LRRC8D: variants seen among roughly 807,000 people sequenced by gnomAD.
LRRC8D encodes volume-regulated anion channel subunit LRRC8D.
In LRRC8D, 20 loss-of-function variants were observed where a neutral mutation model predicts 55.8. That is an observed-to-expected ratio of 0.36 (90% CI 0.25 to 0.52). The LOEUF (loss-of-function observed/expected upper bound fraction) is 0.52, where lower values mean the gene tolerates loss of function less well. Ranked by LOEUF, LRRC8D falls within the 20% of genes least tolerant of loss-of-function variation. The pLI, the probability that LRRC8D is intolerant of heterozygous loss-of-function variation, is 0.93. For missense variants in LRRC8D, 651 were observed against 1,030.8 expected (o/e 0.63, Z 5.05); for synonymous variants, 352 against 377.0 (o/e 0.93, Z 0.77).
chr1:89,895,831 G>A (rs1662694688), intron 2 of LRRC8D, among the ~76,000 whole-genome samples: 1 of 152,080 alleles, frequency 6.6e-6, no homozygotes, highest in Admixed American at 6.5e-5. Flanking sequence ...TAATTTGTGA[G>A]GCCCAGGATA....
At chr1:89,866,585 C>T (rs990619050) in intron 2 of LRRC8D, among the ~76,000 whole-genome samples, 1 of 152,148 alleles carries the variant, frequency 6.6e-6, no homozygotes, top group Non-Finnish European at 1.5e-5. Flanking sequence ...AGTGTTCTGG[C>T]GTTTCTAGGC....
At chr1:89,826,414 G>A (rs1317790171) in intron 1 of LRRC8D, among the ~76,000 whole-genome samples, 1 of 151,990 alleles carries the variant, frequency 6.6e-6, no homozygotes, top group African/African-American at 2.4e-5. Context: ...ACAGGCACCC[G>A]CCACTGCACA....
At chr1:89,844,139 C>A (rs1008367871) in intron 2 of LRRC8D, among the ~76,000 whole-genome samples, 1 of 152,204 alleles carries the variant, frequency 6.6e-6, no homozygotes, top group Non-Finnish European at 1.5e-5. Context: ...AGCAGCAGCT[C>A]TTTGTTCCTC....
chr1:89,851,000 T>C (rs1294511009), intron 2 of LRRC8D, among the ~76,000 whole-genome samples: 1 of 152,166 alleles, frequency 6.6e-6, no homozygotes, highest in Admixed American at 6.5e-5. Flanking sequence ...TCTAGGAATA[T>C]TGTTTAATTT....
chr1:89,888,366 A>G (rs975312885), intron 2 of LRRC8D, among the ~76,000 whole-genome samples: 38 of 152,246 alleles, frequency 2.5e-4, no homozygotes, highest in African/African-American at 2.4e-5. Context: ...TTTGGAATGG[A>G]AAGTTATAGA....
At position 89,933,375 on chromosome 1, in the gene LRRC8D, T is replaced by TCTGCTGTGACAC. The variant is rs1557490446; in HGVS notation, c.311_322dup (p.Ala104_Pro107dup). On this transcript the variant is annotated inframe_insertion, in exon 3 of 3. Coordinates refer to ENST00000337338, the MANE Select transcript of LRRC8D (RefSeq NM_001134479.2). This position sits in a 1 kb window ranked among gnomAD's most constrained non-coding sequence, Gnocchi z 7.0. Reference sequence around the variant, plus strand: ...AACAAACGACATTTCCTTTGGGACATCTGCTGTGACACCTGACATACCTCT... The same window carrying TCTGCTGTGACAC: ...AACAAACGACATTTCCTTTGGGACATCTGCTGTGACACCTGCTGTGACACCTGACATACCTCT... The TCTGCTGTGACAC allele has an allele frequency of 3.1e-6, 5 of 1,614,116 alleles. No individual in the cohort carries two copies. The highest frequency in any genetic ancestry group is 4.2e-6 in the Non-Finnish European group (5 of 1,180,028).
At chr1:89,885,739 C>T (rs1369752571) in intron 2 of LRRC8D, among the ~76,000 whole-genome samples, 1 of 152,166 alleles carries the variant, frequency 6.6e-6, no homozygotes, top group Non-Finnish European at 1.5e-5. Flanking sequence ...ACACATTGTG[C>T]TTGGGCATCA....
intron 1 of LRRC8D, among the ~76,000 whole-genome samples, chr1:89,821,733 C>T (rs1034338610): frequency 5.3e-5 from 8 of 152,002 alleles, no homozygotes; most frequent in African/African-American, 1.7e-4. Flanking sequence ...CAAAGGTGAG[C>T]CCTTTAACTT....
chr1:89,916,385 G>C (rs1663269501), intron 2 of LRRC8D, among the ~76,000 whole-genome samples: 1 of 152,154 alleles, frequency 6.6e-6, no homozygotes. Context: ...CAAATCCTTT[G>C]AAATAGAACA....
chr1:89,911,904 C>G lies in LRRC8D; in HGVS notation c.-2-21163C>G, dbSNP rs1663142391. 6.6e-6 allele frequency among the ~76,000 whole-genome samples: 1 copy of G among 152,040 alleles called. No homozygotes were observed. Among genetic ancestry groups the G allele is most frequent in the African/African-American group, 2.4e-5 (1 of 41,396 alleles). ...AGTTCTTGTCCTCTGACCCACCCTT[C>G]TTCCTCTCCTCTGCTGAATGCTTTT... On this transcript the variant is annotated intron_variant, in intron 2 of 2. Coordinates refer to ENST00000337338, the MANE Select transcript of LRRC8D (RefSeq NM_001134479.2). The surrounding 1 kb of genome is among the most constrained non-coding windows in gnomAD (Gnocchi z 4.0).
chr1:89,821,812 G>A (rs1660640907), intron 1 of LRRC8D: 1 of 152,046 alleles, frequency 6.6e-6, no homozygotes, highest in East Asian at 2.0e-4. Context: ...CGGCGGGCGG[G>A]GGCGGGGAGG....
chr1:89,888,716 G>A (rs1487832789), intron 2 of LRRC8D, among the ~76,000 whole-genome samples: 1 of 152,130 alleles, frequency 6.6e-6, no homozygotes, highest in Non-Finnish European at 1.5e-5. Context: ...TTGTAGTGCT[G>A]GAAAGTAAGG....
intron 2 of LRRC8D, among the ~76,000 whole-genome samples, chr1:89,914,336 C>T (rs959511102): frequency 6.6e-6 from 1 of 152,230 alleles, no homozygotes; most frequent in Non-Finnish European, 1.5e-5. Flanking sequence ...CCGCTCACGC[C>T]TCTGCCTCCA....
chr1:89,865,565 G>T (rs979852098), intron 2 of LRRC8D, among the ~76,000 whole-genome samples: 1 of 152,034 alleles, frequency 6.6e-6, no homozygotes, highest in Non-Finnish European at 1.5e-5. Context: ...TTGACTGATA[G>T]TAGTAATGTA....
At chr1:89,869,628 A>G (rs938335804) in intron 2 of LRRC8D, among the ~76,000 whole-genome samples, 1 of 152,160 alleles carries the variant, frequency 6.6e-6, no homozygotes, top group African/African-American at 2.4e-5. Flanking sequence ...GATACTCCTC[A>G]AGAAGAGCAA....
chr1:89,863,873 G>A (rs926729758), intron 2 of LRRC8D, among the ~76,000 whole-genome samples: 1 of 152,184 alleles, frequency 6.6e-6, no homozygotes, highest in Non-Finnish European at 1.5e-5. Context: ...ATTTCCCAGG[G>A]TTGTTTGTTC....
chr1:89,866,290 C>T (rs990608946), intron 2 of LRRC8D, among the ~76,000 whole-genome samples: 4 of 152,200 alleles, frequency 2.6e-5, no homozygotes, highest in African/African-American at 9.7e-5. Flanking sequence ...CCCAGGAGTA[C>T]TGATCACTGA....
chr1:89,840,506 C>G (rs1324708986), intron 1 of LRRC8D, among the ~76,000 whole-genome samples: 6 of 152,188 alleles, frequency 3.9e-5, no homozygotes, highest in Non-Finnish European at 7.4e-5. Context: ...GCCCTTCCCC[C>G]ACAGCTGGCC....
chr1:89,864,490 A>C (rs1661795321), intron 2 of LRRC8D, among the ~76,000 whole-genome samples: 1 of 152,048 alleles, frequency 6.6e-6, no homozygotes, highest in Non-Finnish European at 1.5e-5. Context: ...TGAAGTGCCA[A>C]GCCCTCTCAA....
Sources: gnomAD v4.1 joint callset for allele counts (sites outside exome capture counted in the v4.1 genomes callset) on GRCh38, gnomAD v4.1.1 for gene constraint, Gnocchi (gnomAD v3.1) non-coding constraint, MANE v1.5 for transcripts, NCBI Gene and HGNC (gene_info 2026-07-23, HGNC 2026-07-21) for gene names.